The following RNF38 variants were observed in gnomAD, a reference collection of about 807,000 sequenced individuals.
RNF38 encodes ring finger protein 38, also known as E3 ubiquitin-protein ligase RNF38.
RNF38 carries 15 observed loss-of-function variants against 67.2 expected under a neutral mutation model. The observed-to-expected ratio is 0.22, with a 90% CI of 0.15 to 0.34. The LOEUF (loss-of-function observed/expected upper bound fraction) is 0.34. Ranked by LOEUF, RNF38 falls within the 10% of genes least tolerant of loss-of-function variation. The pLI, the probability that RNF38 is intolerant of heterozygous loss-of-function variation, is 1.00. For missense variants in RNF38, 524 were observed against 639.9 expected, an observed-to-expected ratio of 0.82 and a Z score of 1.95; for synonymous variants, 220 against 218.8, an observed-to-expected ratio of 1.01 and a Z score of -0.05.
intron 11 of RNF38, 135 bp from the exon 12 acceptor site, chr9:36,339,949 CTTTT>C: frequency 1.3e-6 from 1 of 775,040 alleles, no homozygotes; most frequent in East Asian, 2.7e-5. Flanking sequence ...CAATTTTTGC[CTTTT>C]TTTAACCCAT....
intron 1 of RNF38, among the ~76,000 whole-genome samples, chr9:36,462,841 ATAT>A (rs2134381013): frequency 6.6e-6 from 1 of 151,932 alleles, no homozygotes; most frequent in South Asian, 2.1e-4. Context: ...CACCTGGCTA[ATAT>A]TTGTATTTTT....
intron 2 of RNF38, among the ~76,000 whole-genome samples, chr9:36,422,769 T>G (rs1264978317): frequency 6.6e-6 from 1 of 152,214 alleles, no homozygotes; most frequent in African/African-American, 2.4e-5. Flanking sequence ...CTTAAACTTC[T>G]CTTCCCTTTT....
At chr9:36,375,213 C>T (rs1490949088) in intron 3 of RNF38, among the ~76,000 whole-genome samples, 1 of 150,400 alleles carries the variant, frequency 6.6e-6, no homozygotes, top group East Asian at 2.1e-4. Flanking sequence ...TTTTTAAATA[C>T]AGTGTCTCAT....
At position 36,357,440 on chromosome 9, in the gene RNF38, G is replaced by A. The variant is rs796512291; in HGVS notation, c.738+335C>T. 7.2e-5 allele frequency among the ~76,000 whole-genome samples: 11 copies of A among 152,224 alleles called. 1 individual carries two copies. The highest frequency in any genetic ancestry group is 2.6e-4 in the African/African-American group (11 of 41,528). On this transcript the variant is annotated intron_variant, in intron 5 of 11. Transcript: ENST00000259605. ...TCTGAGACTTAGGCTGACCTTCATT[G>A]GCTTTAATTATAAACGGTGTTGACA...
chr9:36,375,974 A>C lies in RNF38; in HGVS notation c.316T>G (p.Ser106Ala). 1.2e-6 allele frequency: 2 copies of C among 1,613,158 alleles called. No homozygotes were observed. The change falls in exon 3 of 12, where the codon TCA becomes GCA. Residue 106 changes from serine (S) to alanine (A), a missense_variant. Ser to Ala is a moderately conservative substitution (Grantham distance 99). Around this residue, in one of 2 missense-constraint regions of RNF38, gnomAD observed 461 missense variants for 517.4 expected, o/e 0.89. Transcript: ENST00000259605. ...PSVRPSQHHF[S>A]GERCNTPARN... Reference sequence around the variant, plus strand: ...GCAGGTGTGTTGCATCGTTCCCCTGAGAAGTGATGTTGGCTTGGTCGAACT... The same window carrying C: ...GCAGGTGTGTTGCATCGTTCCCCTGCGAAGTGATGTTGGCTTGGTCGAACT...
chr9:36,410,907 T>C (rs570955691), intron 2 of RNF38, among the ~76,000 whole-genome samples: 3 of 152,228 alleles, frequency 2.0e-5, no homozygotes, highest in South Asian at 4.1e-4. Context: ...GTTTAATGGG[T>C]AGAATTTCAG....
At chr9:36,358,959 T>C (rs1238175016) in intron 4 of RNF38, among the ~76,000 whole-genome samples, 1 of 152,094 alleles carries the variant, frequency 6.6e-6, no homozygotes, top group African/African-American at 2.4e-5. Context: ...TGCAGTGAGC[T>C]GAGATCGCGC....
At chr9:36,374,656 A>AT (rs1835654319) in intron 3 of RNF38, among the ~76,000 whole-genome samples, 1 of 152,072 alleles carries the variant, frequency 6.6e-6, no homozygotes, top group South Asian at 2.1e-4. Flanking sequence ...CAGCTGGCTA[A>AT]TTTTTTGCAT....
intron 1 of RNF38, among the ~76,000 whole-genome samples, chr9:36,431,783 G>A (rs1838939834): frequency 6.6e-6 from 1 of 152,066 alleles, no homozygotes; most frequent in Admixed American, 6.5e-5. Flanking sequence ...TCCTCTCTCT[G>A]GAGGGATGCT....
chr9:36,350,986 A>C lies in RNF38; in HGVS notation c.1263+129T>G, dbSNP rs769354637. ...TAGTGTATCTTATGTGTGGCCCAAC[A>C]CAGTAATTCTTCTTCCAATGTGGCC... On this transcript the variant is annotated intron_variant, in intron 9 of 11. Coordinates refer to ENST00000259605, the MANE Select transcript of RNF38 (RefSeq NM_022781.5). 5.8e-6 allele frequency: 4 copies of C among 686,096 alleles called. No homozygotes were observed. In the East Asian group the frequency reaches 1.1e-4, roughly 19 times the overall value. The allele number at this position is 686,096 out of a possible 1,614,324, so 42.5% of individuals were successfully genotyped here.
chr9:36,487,537 C>G (rs948258210), exon 1 of RNF38: 22 of 980,180 alleles, frequency 2.2e-5, no homozygotes, highest in Non-Finnish European at 2.4e-5. Flanking sequence ...CGGCAGCGAC[C>G]GCGGCGGCCG....
upstream of RNF38, among the ~76,000 whole-genome samples, chr9:36,401,596 GGAAATAA>G (rs776950623): frequency 2.6e-5 from 4 of 152,098 alleles, no homozygotes; most frequent in Non-Finnish European, 5.9e-5. Context: ...CTTGGGGAGG[GGAAATAA>G]GAACAAAGAT....
At position 36,424,713 on chromosome 9, in the gene RNF38, T is replaced by C. The variant is rs182227563; in HGVS notation, n.242-30A>G. The C allele has an allele frequency of 3.8e-5, 35 of 910,390 alleles. No homozygotes were observed. In the East Asian group the frequency reaches 2.0e-3, roughly 52 times the overall value. The allele number at this position is 910,390 out of a possible 1,614,324, so 56.4% of individuals were successfully genotyped here. On this transcript the variant is annotated intron_variant and non_coding_transcript_variant, in intron 1 of 3. Transcript: ENST00000488058. ...AAGAAAAAGGGAGGAAAGGTTAAGA[T>C]GCAGTAATTCCTTACATTTAAACTG...
intron 4 of RNF38, 44 bp downstream of exon 4, chr9:36,369,675 C>T (rs1208482701): frequency 1.4e-6 from 2 of 1,444,678 alleles, no homozygotes; most frequent in East Asian, 5.0e-5. Context: ...CAAACTGCCA[C>T]AAAATTTCAG....
rs187920168 is a variant in RNF38, at chr9:36,448,131, C to A, written n.242-23448G>T. ...CAGAAACTTAATGACAGGGTGAGGGCAGAGTGAGGACAGAACTGGTCTTCT... is the reference window on the plus strand; with the variant it reads ...CAGAAACTTAATGACAGGGTGAGGGAAGAGTGAGGACAGAACTGGTCTTCT... On this transcript the variant is annotated intron_variant and non_coding_transcript_variant, in intron 1 of 3. Transcript: ENST00000488058. Among the ~76,000 whole-genome samples the A allele has an allele frequency of 5.6e-3, 852 of 152,294 alleles. 1 individual carries two copies. The highest frequency in any genetic ancestry group is 0.01 in the Admixed American group (159 of 15,302).
At chr9:36,458,125 G>A (rs1044179987) in intron 1 of RNF38, among the ~76,000 whole-genome samples, 1 of 152,220 alleles carries the variant, frequency 6.6e-6, no homozygotes, top group Non-Finnish European at 1.5e-5. Flanking sequence ...GGAATGCAGA[G>A]CCTCAATATA....
chr9:36,372,660 A>G, intron 3 of RNF38: 1 of 589,368 alleles, frequency 1.7e-6, no homozygotes, highest in Non-Finnish European at 3.1e-6. Context: ...ACACTAGGAG[A>G]GCCAGTTTTC....
intron 2 of RNF38, among the ~76,000 whole-genome samples, chr9:36,389,064 A>G (rs953410408): frequency 6.6e-6 from 1 of 152,136 alleles, no homozygotes; most frequent in African/African-American, 2.4e-5. Context: ...TTCTGGGCAA[A>G]AAAAACCTTC....
At chr9:36,425,563 G>A (rs191269121) in intron 1 of RNF38, among the ~76,000 whole-genome samples, 4 of 151,982 alleles carry the variant, frequency 2.6e-5, no homozygotes, top group African/African-American at 4.8e-5. Flanking sequence ...GCGTGGTGGC[G>A]CACCCCTGTA....
Sources: gnomAD v4.1 joint callset for allele counts (sites outside exome capture counted in the v4.1 genomes callset) on GRCh38, gnomAD v4.1.1 for gene constraint, gnomAD v4.1.1 regional missense constraint, MANE v1.5 for transcripts, NCBI Gene and HGNC (gene_info 2026-07-23, HGNC 2026-07-21) for gene names.